The following GNG12 variants were observed in gnomAD, a reference collection of about 807,000 sequenced individuals.
GNG12 encodes the protein guanine nucleotide-binding protein G(I)/G(S)/G(O) subunit gamma-12.
For missense variants in GNG12, 69 were observed against 83.8 expected, an observed-to-expected ratio of 0.82 and a Z score of 0.69; for synonymous variants, 28 against 29.7, an observed-to-expected ratio of 0.94 and a Z score of 0.19.
intron 2 of GNG12, among the ~76,000 whole-genome samples, chr1:67,721,424 TG>T (rs1314829219): frequency 1.3e-5 from 2 of 152,170 alleles, no homozygotes; most frequent in African/African-American, 4.8e-5. Context: ...CCAGATCTAC[TG>T]AATCAGAAAC....
chr1:67,768,186 C>T (rs1296690428), intron 2 of GNG12, among the ~76,000 whole-genome samples: 2 of 152,234 alleles, frequency 1.3e-5, no homozygotes, highest in East Asian at 3.8e-4. Context: ...GACTATTTCA[C>T]TTAATCACCT....
chr1:67,807,440 TA>T (rs1407664478), intron 1 of GNG12, among the ~76,000 whole-genome samples: 6 of 144,160 alleles, frequency 4.2e-5, no homozygotes, highest in Admixed American at 1.4e-4. Flanking sequence ...AAAAATAAAA[TA>T]AAAAAATTCA....
chr1:67,786,989 GTA>G (rs1211405548), intron 1 of GNG12, among the ~76,000 whole-genome samples: 20 of 132,954 alleles, frequency 1.5e-4, no homozygotes, highest in African/African-American at 4.7e-4. Context: ...GTGTGTGTAT[GTA>G]TATATATGTG....
intron 2 of GNG12, among the ~76,000 whole-genome samples, chr1:67,748,735 G>A (rs1646520957): frequency 6.6e-6 from 1 of 152,202 alleles, no homozygotes. Flanking sequence ...AGGGAGTTCT[G>A]AATACTGCTG....
intron 2 of GNG12, among the ~76,000 whole-genome samples, chr1:67,752,880 T>A (rs1646546766): frequency 6.6e-6 from 1 of 152,156 alleles, no homozygotes; most frequent in Non-Finnish European, 1.5e-5. Flanking sequence ...CCAATTTATG[T>A]CCCTGTGTCC....
chr1:67,805,351 C>A (rs1261774948), intron 1 of GNG12, among the ~76,000 whole-genome samples: 1 of 152,088 alleles, frequency 6.6e-6, no homozygotes, highest in Middle Eastern at 3.2e-3. Context: ...AGCATCAGAA[C>A]CAGAATCAGA....
intron 1 of GNG12, among the ~76,000 whole-genome samples, chr1:67,796,009 T>C (rs1182046361): frequency 2.0e-5 from 3 of 152,246 alleles, no homozygotes; most frequent in Non-Finnish European, 4.4e-5. Flanking sequence ...CTGGCTCTTC[T>C]GTTTAATCTC....
At chr1:67,723,788 T>C (rs1022109068) in intron 2 of GNG12, among the ~76,000 whole-genome samples, 1 of 152,232 alleles carries the variant, frequency 6.6e-6, no homozygotes, top group African/African-American at 2.4e-5. Context: ...GATTCTATGC[T>C]CTTTAACCAC....
chr1:67,827,659 T>C (rs1647019004), intron 1 of GNG12, among the ~76,000 whole-genome samples: 2 of 150,758 alleles, frequency 1.3e-5, no homozygotes, highest in South Asian at 4.2e-4. Flanking sequence ...TCTCCTGACC[T>C]TGTGATCCAC....
chr1:67,737,301 T>C (rs968726256), intron 2 of GNG12, among the ~76,000 whole-genome samples: 1 of 152,238 alleles, frequency 6.6e-6, no homozygotes. Flanking sequence ...TTCTCATAAT[T>C]AATCATTATA....
intron 1 of GNG12, among the ~76,000 whole-genome samples, chr1:67,788,274 T>C (rs1198738455): frequency 6.6e-6 from 1 of 152,224 alleles, no homozygotes; most frequent in African/African-American, 2.4e-5. Flanking sequence ...AAATTAGTTG[T>C]TGTTGTTGTT....
intron 1 of GNG12, among the ~76,000 whole-genome samples, chr1:67,789,185 G>T (rs899076883): frequency 1.3e-5 from 2 of 152,148 alleles, no homozygotes; most frequent in Admixed American, 1.3e-4. Context: ...CCAAGGGCCC[G>T]CTATTAAGTC....
At chr1:67,820,127 G>A (rs1056019328) in intron 1 of GNG12, among the ~76,000 whole-genome samples, 5 of 151,306 alleles carry the variant, frequency 3.3e-5, no homozygotes, top group Admixed American at 2.0e-4. Flanking sequence ...AGCGGCTCAC[G>A]CCTGTAATCC....
intron 1 of GNG12, among the ~76,000 whole-genome samples, chr1:67,798,109 C>T (rs1381005538): frequency 6.6e-6 from 1 of 152,114 alleles, no homozygotes; most frequent in South Asian, 2.1e-4. Flanking sequence ...ATGCCCTACA[C>T]CAAGGGTCCC....
intron 1 of GNG12, among the ~76,000 whole-genome samples, chr1:67,821,448 G>A (rs1646984213): frequency 6.6e-6 from 1 of 152,186 alleles, no homozygotes; most frequent in Admixed American, 6.5e-5. Context: ...AGGAGTCGAG[G>A]ATGCCTCCCA....
chr1:67,779,784 T>C (rs1646726916), intron 1 of GNG12, among the ~76,000 whole-genome samples: 1 of 152,186 alleles, frequency 6.6e-6, no homozygotes, highest in Admixed American at 6.5e-5. Context: ...TTAGGGGACT[T>C]CATCGTGTGA....
chr1:67,711,078 G>A (rs1646292624), intron 2 of GNG12, among the ~76,000 whole-genome samples: 2 of 152,106 alleles, frequency 1.3e-5, no homozygotes, highest in African/African-American at 4.8e-5. Flanking sequence ...TCATCTGCTG[G>A]TACAAACATG....
intron 2 of GNG12, among the ~76,000 whole-genome samples, chr1:67,758,877 A>G (rs1227828637): frequency 6.6e-6 from 1 of 152,126 alleles, no homozygotes; most frequent in African/African-American, 2.4e-5. Context: ...GGTGGTTACC[A>G]GAGGCTGGGA....
At chr1:67,737,395 AGTTGGTTCT>A (rs1245037503) in intron 2 of GNG12, among the ~76,000 whole-genome samples, 1 of 152,230 alleles carries the variant, frequency 6.6e-6, no homozygotes, top group Non-Finnish European at 1.5e-5. Flanking sequence ...GCCTGAAGAA[AGTTGGTTCT>A]GAAAGATAAA....
Sources: allele counts gnomAD v4.1 joint callset (sites outside exome capture counted in the v4.1 genomes callset), GRCh38; gene constraint gnomAD v4.1.1; transcripts MANE v1.5; gene names NCBI Gene and HGNC (gene_info 2026-07-23, HGNC 2026-07-21).